CORIN: variants seen among roughly 807,000 people sequenced by gnomAD.
CORIN encodes the protein atrial natriuretic peptide-converting enzyme.
Under a neutral mutation model 125.3 loss-of-function variants are expected in CORIN, and 117 were observed. The observed-to-expected ratio is 0.93, with a 90% CI of 0.80 to 1.09. The LOEUF (loss-of-function observed/expected upper bound fraction) is 1.09. Ranked by LOEUF, CORIN falls within the 50% of genes least tolerant of loss-of-function variation. The pLI is 0.00. For missense variants in CORIN, 1,253 were observed against 1,306.7 expected (o/e 0.96, Z 0.63); for synonymous variants, 450 against 466.4 (o/e 0.96, Z 0.45).
intron 5 of CORIN, among the ~76,000 whole-genome samples, chr4:47,729,032 G>A (rs1303087052): frequency 2.0e-5 from 3 of 152,162 alleles, no homozygotes; most frequent in African/African-American, 7.2e-5. Flanking sequence ...TACGGAGCCC[G>A]CAGAGAACAG....
At chr4:47,627,897 T>G (rs1383112395) in intron 16 of CORIN, among the ~76,000 whole-genome samples, 1 of 151,826 alleles carries the variant, frequency 6.6e-6, no homozygotes, top group Non-Finnish European at 1.5e-5. Flanking sequence ...TAGGAGAGAG[T>G]GTGCACTGAT....
chr4:47,815,042 G>A (rs547298220), intron 1 of CORIN, among the ~76,000 whole-genome samples: 1 of 152,250 alleles, frequency 6.6e-6, no homozygotes, highest in South Asian at 2.1e-4. Context: ...TCTGTTTTGA[G>A]GATACATTGT....
chr4:47,658,814 A>G (rs1366793438), intron 12 of CORIN, among the ~76,000 whole-genome samples: 1 of 152,180 alleles, frequency 6.6e-6, no homozygotes, highest in Non-Finnish European at 1.5e-5. Flanking sequence ...TCTACTGAAA[A>G]AGCTTTTTGT....
intron 5 of CORIN, among the ~76,000 whole-genome samples, chr4:47,731,593 G>A (rs953500380): frequency 1.2e-4 from 18 of 152,188 alleles, no homozygotes; most frequent in Admixed American, 8.5e-4. Context: ...AATGCTGGCC[G>A]GGCACGGTGG....
At chr4:47,808,352 T>A (rs1239230526) in intron 1 of CORIN, among the ~76,000 whole-genome samples, 1 of 152,204 alleles carries the variant, frequency 6.6e-6, no homozygotes, top group Non-Finnish European at 1.5e-5. Flanking sequence ...CCTGTAATAT[T>A]CTCAGGACTT....
chr4:47,663,512 C>G (rs1306030002), intron 11 of CORIN, among the ~76,000 whole-genome samples: 1 of 151,978 alleles, frequency 6.6e-6, no homozygotes, highest in Non-Finnish European at 1.5e-5. Context: ...ATAAATTTAT[C>G]TAAAAGAAAT....
intron 5 of CORIN, among the ~76,000 whole-genome samples, chr4:47,695,461 G>A (rs1398093964): frequency 6.6e-6 from 1 of 152,132 alleles, no homozygotes; most frequent in Non-Finnish European, 1.5e-5. Flanking sequence ...CTACATATTT[G>A]ACTCCAGTAA....
At chr4:47,738,718 G>T (rs1174225433) in intron 5 of CORIN, among the ~76,000 whole-genome samples, 2 of 152,108 alleles carry the variant, frequency 1.3e-5, no homozygotes, top group African/African-American at 4.8e-5. Context: ...AACAAAAACT[G>T]TTCCTGAGGA....
intron 16 of CORIN, among the ~76,000 whole-genome samples, chr4:47,636,481 G>A (rs746558442): frequency 2.0e-5 from 3 of 152,144 alleles, no homozygotes; most frequent in Admixed American, 6.5e-5. Flanking sequence ...TGATTTGGCT[G>A]TATCCCCACC....
Position 47,758,300 on chromosome 4 carries a change from C to T in CORIN, c.617+5079G>A, listed in dbSNP as rs180856309. 3.0e-4 allele frequency among the ~76,000 whole-genome samples: 46 copies of T among 152,082 alleles called. No individual in the cohort carries two copies. In the East Asian group the frequency reaches 8.3e-3, roughly 28 times the overall value. On this transcript the variant is annotated intron_variant, in intron 4 of 21. Coordinates refer to ENST00000273857, the MANE Select transcript of CORIN (RefSeq NM_006587.4). ...AACAAGGAAGTGAAAGATCTCTACA[C>T]AAATAACTATAAACATTGAAAAAAA...
intron 9 of CORIN, among the ~76,000 whole-genome samples, chr4:47,675,434 A>T (rs1222763263): frequency 6.6e-6 from 1 of 152,182 alleles, no homozygotes. Flanking sequence ...GCCTTGCAGA[A>T]AAGAGATGTC....
intron 21 of CORIN, among the ~76,000 whole-genome samples, chr4:47,599,718 A>G (rs760664803): frequency 9.9e-5 from 15 of 152,172 alleles, no homozygotes; most frequent in Non-Finnish European, 2.1e-4. Flanking sequence ...GAGGGCCCAG[A>G]CAACACCAGT....
Position 47,623,586 on chromosome 4 carries a change from G to C in CORIN, c.2525C>G (p.Ala842Gly), listed in dbSNP as rs1319278353. 6.2e-7 allele frequency: 1 copy of C among 1,614,118 alleles called. No homozygotes were observed. The highest frequency in any genetic ancestry group is 8.5e-7 in the Non-Finnish European group (1 of 1,179,986). Residue 842 changes from alanine to glycine, a missense_variant, in exon 19 of 22, where the codon GCC becomes GGC. Coordinates refer to ENST00000273857, the MANE Select transcript of CORIN (RefSeq NM_006587.4). ...TGCAGCTTACCCCTCGAAGCAGTGG[G>C]CAACTGTCAGAACCCACTTCTTGGC... ...LIAKKWVLTV[A>G]HCFEGRENAA...
intron 10 of CORIN, among the ~76,000 whole-genome samples, chr4:47,669,622 G>A (rs1480761918): frequency 6.7e-6 from 1 of 150,006 alleles, no homozygotes; most frequent in Admixed American, 6.6e-5. Flanking sequence ...AGGCTGGAGT[G>A]CAGTGGCACG....
intron 9 of CORIN, among the ~76,000 whole-genome samples, chr4:47,677,329 G>A (rs1305972054): frequency 6.6e-6 from 1 of 152,178 alleles, no homozygotes; most frequent in African/African-American, 2.4e-5. Context: ...GGCTGTGCCC[G>A]TGTAGTATAA....
chr4:47,670,361 T>C (rs947888922), intron 10 of CORIN, among the ~76,000 whole-genome samples: 2 of 152,216 alleles, frequency 1.3e-5, no homozygotes, highest in African/African-American at 4.8e-5. Flanking sequence ...CTTTTGTAAA[T>C]ACATCATTCC....
At chr4:47,689,343 T>A (rs183473993) in intron 6 of CORIN, among the ~76,000 whole-genome samples, 27 of 152,290 alleles carry the variant, frequency 1.8e-4, no homozygotes, top group African/African-American at 5.8e-4. Flanking sequence ...CTGAAGAAAC[T>A]GAGGCACAGA....
chr4:47,603,386 C>T lies in CORIN; in HGVS notation c.2812+11G>A. Reference sequence around the variant, plus strand: ...ATAGCAGCATGAGAATGGACTAATACACTGGCTTACTTTTATTGCCCATGT... The same window carrying T: ...ATAGCAGCATGAGAATGGACTAATATACTGGCTTACTTTTATTGCCCATGT... On this transcript the variant is annotated intron_variant, in intron 20 of 21. Coordinates refer to ENST00000273857, the MANE Select transcript of CORIN (RefSeq NM_006587.4). The T allele has an allele frequency of 4.3e-6, 7 of 1,612,738 alleles. No homozygotes were observed. The highest frequency in any genetic ancestry group is 2.7e-5 in the African/African-American group (2 of 75,050).
chr4:47,703,898 GT>G (rs1726425451), intron 5 of CORIN, among the ~76,000 whole-genome samples: 1 of 152,226 alleles, frequency 6.6e-6, no homozygotes, highest in East Asian at 1.9e-4. Context: ...GGAGGAGAAA[GT>G]GGTCTCAAGT....
Sources: gnomAD v4.1 joint callset for allele counts (sites outside exome capture counted in the v4.1 genomes callset) on GRCh38, gnomAD v4.1.1 for gene constraint, MANE v1.5 for transcripts, NCBI Gene and HGNC (gene_info 2026-07-23, HGNC 2026-07-21) for gene names.